The following MYO3B variants were observed in gnomAD, a reference collection of about 807,000 sequenced individuals.
MYO3B encodes myosin-IIIb.
In MYO3B, 156 loss-of-function variants were observed where a neutral mutation model predicts 174.6. That is an observed-to-expected ratio of 0.89 (90% confidence interval 0.78 to 1.02). MYO3B has a LOEUF of 1.02. Ranked by LOEUF, MYO3B falls within the 50% of genes least tolerant of loss-of-function variation. The pLI, the probability that MYO3B is intolerant of heterozygous loss-of-function variation, is 0.00. For synonymous variants in MYO3B, 563 were observed against 569.1 expected, an observed-to-expected ratio of 0.99 and a Z score of 0.15; for missense variants, 1,632 against 1,639.4, an observed-to-expected ratio of 1.00 and a Z score of 0.08.
intron 23 of MYO3B, among the ~76,000 whole-genome samples, chr2:170,459,394 C>CTTTA (rs960012054): frequency 9.8e-5 from 15 of 152,334 alleles, no homozygotes; most frequent in African/African-American, 3.6e-4. Flanking sequence ...ACTTACAATC[C>CTTTA]TTTAGCCAAA....
At chr2:170,227,403 G>T (rs1048897692) in intron 6 of MYO3B, among the ~76,000 whole-genome samples, 4 of 152,150 alleles carry the variant, frequency 2.6e-5, no homozygotes, top group Admixed American at 2.6e-4. Flanking sequence ...TTGTGCCTTA[G>T]CCTCTCTAGT....
At chr2:170,554,516 A>G (rs1194138083) in intron 32 of MYO3B, among the ~76,000 whole-genome samples, 1 of 152,246 alleles carries the variant, frequency 6.6e-6, no homozygotes, top group Non-Finnish European at 1.5e-5. Flanking sequence ...CGCAGAGGTC[A>G]CATGCCAGGC....
At chr2:170,190,116 G>T (rs2092521282) in intron 1 of MYO3B, among the ~76,000 whole-genome samples, 1 of 152,188 alleles carries the variant, frequency 6.6e-6, no homozygotes, top group Admixed American at 6.5e-5. Flanking sequence ...CACCATGGTG[G>T]TCTTAGATAA....
At chr2:170,394,004 G>C (rs2094430393) in intron 16 of MYO3B, among the ~76,000 whole-genome samples, 1 of 152,154 alleles carries the variant, frequency 6.6e-6, no homozygotes, top group Non-Finnish European at 1.5e-5. Flanking sequence ...GCAATTTAAA[G>C]TCACTTGTGT....
chr2:170,632,667 C>T (rs937536987), intron 32 of MYO3B, among the ~76,000 whole-genome samples: 1 of 152,036 alleles, frequency 6.6e-6, no homozygotes, highest in Admixed American at 6.5e-5. Flanking sequence ...ACACAAAAAA[C>T]CCTTCAAAAA....
At chr2:170,552,833 G>C (rs1409551077) in intron 32 of MYO3B, among the ~76,000 whole-genome samples, 1 of 152,126 alleles carries the variant, frequency 6.6e-6, no homozygotes, top group Non-Finnish European at 1.5e-5. Context: ...ATGGTTTCCT[G>C]GGCTGGGCCC....
chr2:170,550,726 T>G (rs907086590), intron 32 of MYO3B, among the ~76,000 whole-genome samples: 2 of 152,236 alleles, frequency 1.3e-5, no homozygotes, highest in Non-Finnish European at 2.9e-5. Context: ...GGTGACATGT[T>G]GAGTGTCCTC....
chr2:170,589,138 A>C lies in MYO3B; in HGVS notation c.3733+45150A>C, dbSNP rs527505912. Among the ~76,000 whole-genome samples the C allele has an allele frequency of 8.5e-5, 13 of 152,314 alleles. No homozygotes were observed. The South Asian group carries it at 2.7e-3, about 32-fold the overall frequency. The stretch of plus-strand genomic sequence containing the variant: ...GATGAAAAAAAGAAGAATCCCCAAG[A>C]AAATTCAGGGTTTAGCAGAAGTTTT... On this transcript the variant is annotated intron_variant, in intron 32 of 34. Transcript: ENST00000408978.
At chr2:170,398,228 GAAAAAA>G (rs34432719) in intron 16 of MYO3B, among the ~76,000 whole-genome samples, 5,929 of 88,080 alleles carry the variant, frequency 0.067, 54 homozygotes, top group Non-Finnish European at 0.087. Flanking sequence ...TGTCTCAAAA[GAAAAAA>G]AAAAAAAAAA....
intron 22 of MYO3B, among the ~76,000 whole-genome samples, chr2:170,414,344 C>G (rs372733226): frequency 6.6e-6 from 1 of 152,022 alleles, no homozygotes; most frequent in East Asian, 1.9e-4. Context: ...CCCACTACCA[C>G]GCCTGGCTAA....
At chr2:170,282,960 C>T (rs1456283519) in intron 7 of MYO3B, among the ~76,000 whole-genome samples, 7 of 152,068 alleles carry the variant, frequency 4.6e-5, no homozygotes, top group Non-Finnish European at 1.5e-5. Context: ...TCTGTTTTTC[C>T]AGTGAATCCA....
intron 34 of MYO3B, 58 bp from the exon 35 acceptor site, chr2:170,652,925 A>ATGAT: frequency 6.2e-7 from 1 of 1,601,416 alleles, no homozygotes; most frequent in Non-Finnish European, 8.5e-7. Flanking sequence ...TGCCCCAGTG[A>ATGAT]TGATTGTAAC....
chr2:170,416,748 C>G (rs188470888), intron 22 of MYO3B, among the ~76,000 whole-genome samples: 253 of 150,278 alleles, frequency 1.7e-3, no homozygotes, highest in African/African-American at 6.0e-3. Context: ...GTATTCCAAG[C>G]CTTTTCCTGA....
intron 6 of MYO3B, among the ~76,000 whole-genome samples, chr2:170,220,607 C>T (rs936601611): frequency 4.0e-5 from 5 of 126,098 alleles, no homozygotes; most frequent in Non-Finnish European, 6.2e-5. Context: ...CCAGCCTGGG[C>T]GACAGAGCCA....
At chr2:170,483,678 A>G (rs1470683008) in intron 25 of MYO3B, among the ~76,000 whole-genome samples, 1 of 152,204 alleles carries the variant, frequency 6.6e-6, no homozygotes, top group Non-Finnish European at 1.5e-5. Flanking sequence ...CAGTGGGGCT[A>G]ACTTATGTTA....
intron 22 of MYO3B, among the ~76,000 whole-genome samples, chr2:170,439,624 G>T (rs1306034850): frequency 1.3e-5 from 2 of 152,022 alleles, no homozygotes; most frequent in Non-Finnish European, 1.5e-5. Flanking sequence ...CAAAAAAATT[G>T]TTGCCAAGAC....
chr2:170,439,092 G>A (rs62170677), intron 22 of MYO3B, among the ~76,000 whole-genome samples: 4 of 147,002 alleles, frequency 2.7e-5, no homozygotes, highest in Non-Finnish European at 4.5e-5. Flanking sequence ...TTTTTTTTGG[G>A]CCAGGCATGA....
intron 3 of MYO3B, among the ~76,000 whole-genome samples, chr2:170,201,736 T>C (rs1446383123): frequency 7.3e-6 from 1 of 137,366 alleles, no homozygotes; most frequent in African/African-American, 2.8e-5. Flanking sequence ...AATATTAGGA[T>C]TTTATCTTGC....
intron 7 of MYO3B, among the ~76,000 whole-genome samples, chr2:170,239,198 G>A (rs2093104660): frequency 6.6e-6 from 1 of 152,200 alleles, no homozygotes; most frequent in Non-Finnish European, 1.5e-5. Context: ...ACTCTTTACT[G>A]AGGACTTCTT....
Sources: allele counts gnomAD v4.1 joint callset (sites outside exome capture counted in the v4.1 genomes callset), GRCh38; gene constraint gnomAD v4.1.1; transcripts MANE v1.5; gene names NCBI Gene and HGNC (gene_info 2026-07-23, HGNC 2026-07-21).